The following ZNF678 variants were observed in gnomAD, a reference collection of about 807,000 sequenced individuals.
The protein encoded by ZNF678 is hypothetical protein MGC42493.
A neutral mutation model predicts 3.0 loss-of-function variants in ZNF678; 5 were observed. The ratio of observed to expected loss-of-function variants is 1.69; its 90% CI spans 0.88 to 3.56. ZNF678 has a LOEUF of 3.56. Ranked by LOEUF, ZNF678 falls within the 30% of genes most tolerant of loss-of-function variation. ZNF678 has a pLI of 0.00. For missense variants in ZNF678, 593 were observed against 605.0 expected (o/e 0.98, Z 0.21); for synonymous variants, 218 against 199.6 (o/e 1.09, Z -0.78).
intron 1 of ZNF678, among the ~76,000 whole-genome samples, chr1:227,576,354 A>G (rs1255108951): frequency 6.6e-6 from 1 of 152,192 alleles, no homozygotes; most frequent in Non-Finnish European, 1.5e-5. Context: ...ATCTGGTAGA[A>G]TTCAGCTGTT....
At position 227,674,142 on chromosome 1, in the gene ZNF678, G is replaced by A. The variant is rs747761506; in HGVS notation, c.227-3037G>A. 2.0e-5 allele frequency among the ~76,000 whole-genome samples: 3 copies of A among 152,296 alleles called. No individual in the cohort carries two copies. The South Asian group carries it at 6.2e-4, about 32-fold the overall frequency. Reference sequence around the variant, plus strand: ...GAGCAAGAGGAAGTTTCAGGGAAGAGAAGGCAATGACCTACAGAATCATGA... The same window carrying A: ...GAGCAAGAGGAAGTTTCAGGGAAGAAAAGGCAATGACCTACAGAATCATGA... On this transcript the variant is annotated intron_variant, in intron 5 of 5. Transcript: ENST00000608949.
chr1:227,626,227 A>G (rs1658411992), intron 1 of ZNF678, among the ~76,000 whole-genome samples: 1 of 152,196 alleles, frequency 6.6e-6, no homozygotes. Context: ...CTTAAAGAGC[A>G]GGCACAGATC....
chr1:227,563,827 C>G lies in ZNF678; in HGVS notation c.-164+103C>G, dbSNP rs1379456165. 1.5e-5 allele frequency: 17 copies of G among 1,130,582 alleles called. No individual in the cohort carries two copies. In the East Asian group the frequency reaches 5.8e-4, roughly 39 times the overall value. 70.0% of individuals were successfully genotyped at this position (1,130,582 alleles called of 1,614,324 possible). On this transcript the variant is annotated intron_variant, in intron 1 of 3. Transcript: ENST00000343776. ...CCCGGCTGGCACCTGTGGGATCTGT[C>G]ACCTCTGGGTAGGGGCGGGGCCAGG...
At chr1:227,594,956 C>G (rs1261299201) in intron 1 of ZNF678, among the ~76,000 whole-genome samples, 1 of 152,108 alleles carries the variant, frequency 6.6e-6, no homozygotes. Flanking sequence ...GTTGCTGCTA[C>G]AGATCGAATG....
At chr1:227,578,836 G>A (rs1249121115) in intron 1 of ZNF678, among the ~76,000 whole-genome samples, 1 of 152,084 alleles carries the variant, frequency 6.6e-6, no homozygotes, top group Non-Finnish European at 1.5e-5. Context: ...GGGCATTCAG[G>A]GTTCTTGCAC....
chr1:227,574,163 AT>A lies in ZNF678; in HGVS notation c.-164+10442del, dbSNP rs538011472. ...ATGCATTTGTCTTTATAATAGAATG[AT>A]TTATATTCCTTCAGGTAATACCCAG... is the stretch of plus-strand genomic sequence containing the variant. On this transcript the variant is annotated intron_variant, in intron 1 of 3. Coordinates refer to ENST00000343776, the MANE Select transcript of ZNF678 (RefSeq NM_001367909.1). Among the ~76,000 whole-genome samples, 29 of 152,292 alleles carry A rather than the reference AT, an allele frequency of 1.9e-4. No individual in the cohort carries two copies. The South Asian group carries it at 5.6e-3, about 29-fold the overall frequency.
At chr1:227,596,106 T>C (rs946454217) in intron 1 of ZNF678, among the ~76,000 whole-genome samples, 1 of 152,166 alleles carries the variant, frequency 6.6e-6, no homozygotes, top group Non-Finnish European at 1.5e-5. Context: ...TGGTGAGGCA[T>C]CCCACCAGGG....
At chr1:227,651,123 T>G in intron 3 of ZNF678, 47 bp downstream of exon 3, 4 of 1,601,460 alleles carry the variant, frequency 2.5e-6, no homozygotes, top group Non-Finnish European at 2.6e-6. Context: ...AGATCTTTTC[T>G]GGGTTCATAG....
chr1:227,654,792 A>G lies in ZNF678; in HGVS notation c.542A>G (p.Tyr181Cys), dbSNP rs1659179871. ...AAAATTCATACTGGAGAGAAACCCTACAAATGTGATGAATGTGACAAAGTT... is the reference window on the plus strand; with the variant it reads ...AAAATTCATACTGGAGAGAAACCCTGCAAATGTGATGAATGTGACAAAGTT... Reference protein sequence around the residue: ...HKKIHTGEKPYKCDECDKVFN... With the variant: ...HKKIHTGEKPCKCDECDKVFN... Residue 181 changes from tyrosine to cysteine, a missense_variant, in exon 4 of 4, where the codon TAC (tyrosine) becomes TGC (cysteine). Tyr to Cys is a radical substitution (Grantham distance 194). Transcript: ENST00000343776. 1 of 1,613,362 alleles carries G rather than the reference A, an allele frequency of 6.2e-7. No individual in the cohort carries two copies. Among genetic ancestry groups the G allele is most frequent in the South Asian group, 1.1e-5 (1 of 91,042 alleles).
At chr1:227,669,355 A>G (rs960010780) in intron 5 of ZNF678, among the ~76,000 whole-genome samples, 2 of 152,162 alleles carry the variant, frequency 1.3e-5, no homozygotes, top group Non-Finnish European at 1.5e-5. Flanking sequence ...TAAAACCACA[A>G]TGAAATACCA....
chr1:227,618,612 C>T (rs567925472), intron 1 of ZNF678, among the ~76,000 whole-genome samples: 18 of 152,270 alleles, frequency 1.2e-4, no homozygotes, highest in Admixed American at 1.0e-3. Flanking sequence ...GACCAGGCTT[C>T]ATCTAATTGT....
At chr1:227,623,173 C>A (rs1433647030) in intron 1 of ZNF678, among the ~76,000 whole-genome samples, 1 of 152,228 alleles carries the variant, frequency 6.6e-6, no homozygotes, top group African/African-American at 2.4e-5. Context: ...CCTATGGGTT[C>A]TGTGTACTTC....
At chr1:227,613,689 G>A (rs1658077765) in intron 1 of ZNF678, among the ~76,000 whole-genome samples, 1 of 152,150 alleles carries the variant, frequency 6.6e-6, no homozygotes, top group Non-Finnish European at 1.5e-5. Flanking sequence ...CTTTCTGTTA[G>A]CACTTCTCAT....
downstream of ZNF678, among the ~76,000 whole-genome samples, chr1:227,677,746 G>A (rs1364485933): frequency 1.3e-5 from 2 of 152,206 alleles, no homozygotes; most frequent in African/African-American, 2.4e-5. Context: ...GTTTACAGTA[G>A]GGCATCACCC....
At chr1:227,643,099 C>T (rs111868552) in intron 1 of ZNF678, among the ~76,000 whole-genome samples, 46 of 152,098 alleles carry the variant, frequency 3.0e-4, no homozygotes, top group African/African-American at 1.0e-3. Context: ...CTTCTTACTT[C>T]CCTAATGTTA....
chr1:227,616,802 T>C (rs572350110), intron 1 of ZNF678, among the ~76,000 whole-genome samples: 28 of 152,286 alleles, frequency 1.8e-4, no homozygotes, highest in Non-Finnish European at 2.9e-4. Flanking sequence ...GCCCTAACCT[T>C]CTCTTCCTCT....
chr1:227,625,774 T>C (rs1336487934), intron 1 of ZNF678, among the ~76,000 whole-genome samples: 2 of 152,126 alleles, frequency 1.3e-5, no homozygotes, highest in Admixed American at 6.5e-5. Context: ...GGGAGATTGC[T>C]TCCTTTACGT....
chr1:227,615,216 T>TG (rs1230692185), intron 1 of ZNF678, among the ~76,000 whole-genome samples: 2 of 152,258 alleles, frequency 1.3e-5, no homozygotes, highest in African/African-American at 4.8e-5. Context: ...AAGATACTCC[T>TG]AAGTTAGGCC....
At chr1:227,596,938 A>G (rs1043943942) in intron 1 of ZNF678, among the ~76,000 whole-genome samples, 1 of 152,250 alleles carries the variant, frequency 6.6e-6, no homozygotes, top group African/African-American at 2.4e-5. Flanking sequence ...TCAACAGCAC[A>G]TAATAAAAGT....
Sources: gnomAD v4.1 joint callset for allele counts (sites outside exome capture counted in the v4.1 genomes callset) on GRCh38, gnomAD v4.1.1 for gene constraint, MANE v1.5 for transcripts, NCBI Gene and HGNC (gene_info 2026-07-23, HGNC 2026-07-21) for gene names.